BAZ2B: variants seen among roughly 807,000 people sequenced by gnomAD.
BAZ2B encodes the protein bromodomain adjacent to zinc finger domain 2B, also known as bromodomain adjacent to zinc finger domain protein 2B.
In BAZ2B, 91 loss-of-function variants were observed where a neutral mutation model predicts 246.0. The ratio of observed to expected loss-of-function variants is 0.37; its 90% CI spans 0.31 to 0.44. The LOEUF (loss-of-function observed/expected upper bound fraction) is 0.44, where lower values mean the gene tolerates loss of function less well. BAZ2B is among the 20% of genes least tolerant of loss of function. The pLI, the probability that BAZ2B is intolerant of heterozygous loss-of-function variation, is 1.00. For missense variants in BAZ2B, 2,332 were observed against 2,533.7 expected (o/e 0.92, Z 1.71); for synonymous variants, 855 against 860.0 (o/e 0.99, Z 0.10).
chr2:159,399,080 T>C (rs2064531175), intron 17 of BAZ2B, 186 bp from the exon 18 acceptor site: 4 of 485,194 alleles, frequency 8.2e-6, no homozygotes, highest in East Asian at 3.4e-5. Context: ...TTCTAATTTA[T>C]AGAATAGCAT....
the BAZ2B span, among the ~76,000 whole-genome samples, chr2:159,632,316 C>A: frequency 3.1e-4 from 47 of 152,286 alleles, 1 homozygote; most frequent in East Asian, 8.9e-3. Context: ...ACTACAGGGG[C>A]ATCAATGTGC....
chr2:159,456,346 C>T (rs2075773570), intron 3 of BAZ2B, among the ~76,000 whole-genome samples: 1 of 151,812 alleles, frequency 6.6e-6, no homozygotes, highest in Non-Finnish European at 1.5e-5. Context: ...TTCTTAGATG[C>T]ATAGTTACAG....
At chr2:159,522,488 G>C (rs1272232583) in intron 2 of BAZ2B, among the ~76,000 whole-genome samples, 1 of 152,100 alleles carries the variant, frequency 6.6e-6, no homozygotes, top group Non-Finnish European at 1.5e-5. Flanking sequence ...GAGTCAAACA[G>C]AAGATTAAGT....
chr2:159,504,798 T>C (rs993912864), intron 2 of BAZ2B, among the ~76,000 whole-genome samples: 2 of 152,214 alleles, frequency 1.3e-5, no homozygotes, highest in African/African-American at 2.4e-5. Context: ...ATAATTTTTA[T>C]ATAAATATGC....
chr2:159,353,436 A>G (rs73967822), intron 27 of BAZ2B, among the ~76,000 whole-genome samples: 8,521 of 152,250 alleles, frequency 0.056, 602 homozygotes, highest in African/African-American at 0.17. Context: ...CTAGGATACA[A>G]CAATAAGGAG....
chr2:159,325,141 ATATATAT>A (rs2063513751), intron 35 of BAZ2B, among the ~76,000 whole-genome samples, 187 bp from the exon 36 acceptor site: 1 of 71,270 alleles, frequency 1.4e-5, no homozygotes, highest in Non-Finnish European at 2.5e-5. Flanking sequence ...ATATATATAT[ATATATAT>A]GAGATAGGGT....
chr2:159,338,727 T>C (rs2148990182), intron 31 of BAZ2B, among the ~76,000 whole-genome samples: 1 of 152,362 alleles, frequency 6.6e-6, no homozygotes, highest in East Asian at 1.9e-4. Context: ...ATCCTCGTGC[T>C]CTGCTCATGC....
intron 8 of BAZ2B, among the ~76,000 whole-genome samples, chr2:159,436,603 T>C (rs970003735): frequency 3.9e-5 from 6 of 152,002 alleles, no homozygotes; most frequent in African/African-American, 1.4e-4. Flanking sequence ...ACAAAAAAAT[T>C]AGCTGGGCAT....
At chr2:159,642,972 C>T in the BAZ2B span, among the ~76,000 whole-genome samples, 142,380 of 152,322 alleles carry the variant, frequency 0.93, 66,674 homozygotes, top group Middle Eastern at 0.97. Context: ...ACAATCACTT[C>T]CTTCATTTAT....
intron 33 of BAZ2B, among the ~76,000 whole-genome samples, chr2:159,334,216 A>C (rs2065244163): frequency 6.6e-6 from 1 of 152,186 alleles, no homozygotes. Flanking sequence ...TTATTTCCTG[A>C]TACTTTTAAA....
At chr2:159,403,673 GT>G (rs2065454649) in intron 16 of BAZ2B, among the ~76,000 whole-genome samples, 1 of 152,144 alleles carries the variant, frequency 6.6e-6, no homozygotes, top group African/African-American at 2.4e-5. Flanking sequence ...TGGAATTCAA[GT>G]TGACAACTGC....
chr2:159,369,755 TA>T (rs991009582), intron 27 of BAZ2B, among the ~76,000 whole-genome samples: 3 of 151,256 alleles, frequency 2.0e-5, no homozygotes, highest in South Asian at 4.2e-4. Flanking sequence ...ACCTAGGCAT[TA>T]AAAAAAAATC....
intron 3 of BAZ2B, chr2:159,459,705 T>A (rs1202356154): frequency 6.6e-6 from 1 of 152,104 alleles, no homozygotes; most frequent in African/African-American, 2.4e-5. Context: ...TTTCACAAAA[T>A]GAAATACAGC....
chr2:159,448,939 A>G lies in BAZ2B; in HGVS notation c.335-530T>C, dbSNP rs2074644518. On this transcript the variant is annotated intron_variant, in intron 4 of 36. Coordinates refer to ENST00000392783, the MANE Select transcript of BAZ2B (RefSeq NM_013450.4). ...CTTCTATACTTAAAGATAACCATAA[A>G]TATAGCAAAATCAGTAGGCCTTTTT... 3.9e-5 allele frequency among the ~76,000 whole-genome samples: 6 copies of G among 152,302 alleles called. No individual in the cohort carries two copies. In the South Asian group the frequency reaches 1.2e-3, roughly 32 times the overall value.
chr2:159,567,756 G>A (rs891206148), intron 1 of BAZ2B, among the ~76,000 whole-genome samples: 3 of 152,118 alleles, frequency 2.0e-5, no homozygotes, highest in South Asian at 2.1e-4. Context: ...GGCAGCTCAC[G>A]AGGTCAAGAG....
At chr2:159,383,897 A>G (rs2062305593) in intron 23 of BAZ2B, among the ~76,000 whole-genome samples, 1 of 152,102 alleles carries the variant, frequency 6.6e-6, no homozygotes, top group Non-Finnish European at 1.5e-5. Context: ...ATACAACATT[A>G]GTATTAGAAA....
At chr2:159,469,833 C>T (rs2077555816) in intron 3 of BAZ2B, among the ~76,000 whole-genome samples, 1 of 152,104 alleles carries the variant, frequency 6.6e-6, no homozygotes, top group Non-Finnish European at 1.5e-5. Flanking sequence ...TCTCCAGGCC[C>T]AGATGTTTCA....
chr2:159,630,823 C>T, the BAZ2B span, among the ~76,000 whole-genome samples: 6 of 152,226 alleles, frequency 3.9e-5, no homozygotes, highest in African/African-American at 1.2e-4. Context: ...CGTGAGCCAC[C>T]GCGCCCGGCC....
At chr2:159,430,196 C>T (rs538282777) in intron 10 of BAZ2B, among the ~76,000 whole-genome samples, 1 of 152,222 alleles carries the variant, frequency 6.6e-6, no homozygotes, top group East Asian at 1.9e-4. Flanking sequence ...CACTTATATT[C>T]AGATTTTCCT....
Sources: gnomAD v4.1 joint callset for allele counts (sites outside exome capture counted in the v4.1 genomes callset) on GRCh38, gnomAD v4.1.1 for gene constraint, MANE v1.5 for transcripts, NCBI Gene and HGNC (gene_info 2026-07-23, HGNC 2026-07-21) for gene names.